Variants in UBFD1 observed in about 807,000 individuals in gnomAD.
UBFD1 encodes the protein ubiquitin family domain containing 1, also known as ubiquitin domain-containing protein UBFD1.
UBFD1 carries 12 observed loss-of-function variants against 35.1 expected under a neutral mutation model. The observed-to-expected ratio is 0.34, with a 90% CI of 0.22 to 0.55. The LOEUF (loss-of-function observed/expected upper bound fraction) is 0.55. Ranked by LOEUF, UBFD1 falls within the 20% of genes least tolerant of loss-of-function variation. The pLI, the probability that UBFD1 is intolerant of heterozygous loss-of-function variation, is 0.89. For missense variants in UBFD1, 337 were observed against 410.8 expected, an observed-to-expected ratio of 0.82 and a Z score of 1.55; for synonymous variants, 178 against 167.6, an observed-to-expected ratio of 1.06 and a Z score of -0.48.
intron 1 of UBFD1, 55 bp downstream of exon 1, chr16:23,557,822 C>G: frequency 1.1e-5 from 14 of 1,281,282 alleles, no homozygotes; most frequent in Non-Finnish European, 1.4e-5. Context: ...GCGGTCGCTC[C>G]TCTGGGGGAT....
rs371746227 is a variant in UBFD1 at position 23,562,775 on chromosome 16, G to A, written c.736+45G>A. The A allele has an allele frequency of 2.0e-6, 3 of 1,498,094 alleles. No homozygotes were observed. The African/African-American group carries it at 4.1e-5, about 21-fold the overall frequency. The allele number at this position is 1,498,094 out of a possible 1,614,324, so 92.8% of individuals were successfully genotyped here. On this transcript the variant is annotated intron_variant, in intron 5 of 6. Coordinates refer to ENST00000395878, the MANE Select transcript of UBFD1 (RefSeq NM_019116.3). ...CTTGCTGGCCCACTGCCTGCCTCTG[G>A]CACCCAGCAGCACTCACATTTTAGA...
chr16:23,560,110 C>G (rs1323852392), intron 3 of UBFD1, among the ~76,000 whole-genome samples: 1 of 152,110 alleles, frequency 6.6e-6, no homozygotes, highest in East Asian at 1.9e-4. Context: ...CGGAGGTTCC[C>G]CTAAAGCTGA....
At chr16:23,563,969 T>G (rs929414515) in intron 5 of UBFD1, 1 of 152,284 alleles carries the variant, frequency 6.6e-6, no homozygotes, top group Admixed American at 6.5e-5. Context: ...CTGCCGCTTC[T>G]GTTCATAGAG....
rs1597040064 is a variant in UBFD1 at position 23,562,669 on chromosome 16, T to C, written c.675T>C (p.Ser225=). Residue 225 remains serine (S), a synonymous_variant, in exon 5 of 7, where the codon TCT becomes TCC. Transcript: ENST00000395878. ...CGCTGTCCGGCATGTACAATAAATC[T>C]GGAGGAAAAGTGAGACTCACCTTTA... The part of the protein sequence containing the change: ...TVPLSGMYNK[S]GGKVRLTFKL... 1 of 1,614,214 alleles carries C rather than the reference T, an allele frequency of 6.2e-7. No homozygotes were observed. The highest frequency in any genetic ancestry group is 2.2e-5 in the East Asian group (1 of 44,876).
At chr16:23,557,870 C>G in intron 1 of UBFD1, 80 bp from the exon 2 acceptor site, 1 of 1,269,522 alleles carries the variant, frequency 7.9e-7, no homozygotes, top group African/African-American at 1.6e-5. Flanking sequence ...GGCTCGGGAA[C>G]GGAGGTCCGG....
In UBFD1 at chr16:23,571,975, CAT is replaced by C. The variant is rs2142223558; in HGVS notation, c.*1387_*1388del. ...TCTCCTCTCACTGGTTGCAGGCTTT[CAT>C]AGTAAGGTTTGGCGAGAAATGTTCC... On this transcript the variant is annotated 3_prime_UTR_variant, in exon 7 of 7. Coordinates refer to ENST00000395878, the MANE Select transcript of UBFD1 (RefSeq NM_019116.3). 1 of 152,758 alleles carries C rather than the reference CAT, an allele frequency of 6.5e-6. No individual in the cohort carries two copies. Among genetic ancestry groups the C allele is most frequent in the South Asian group, 2.1e-4 (1 of 4,824 alleles). The allele number at this position is 152,758 out of a possible 1,614,324, so 9.5% of individuals were successfully genotyped here. A position where few individuals can be genotyped will look rare whatever the true frequency, so the allele number is the denominator to read the frequency against.
At chr16:23,568,631 C>G (rs1252914043) in intron 6 of UBFD1, 5 of 151,170 alleles carry the variant, frequency 3.3e-5, no homozygotes, top group African/African-American at 7.3e-5. Flanking sequence ...CCAGCCTGAC[C>G]AACATGGTGA....
chr16:23,559,158 C>T (rs983696076), intron 2 of UBFD1: 1 of 229,254 alleles, frequency 4.4e-6, no homozygotes, highest in African/African-American at 2.3e-5. Context: ...ATTTAGATGA[C>T]TGAGGAACAA....
chr16:23,560,172 ATTTG>A (rs1189933627), intron 3 of UBFD1, among the ~76,000 whole-genome samples: 1 of 151,962 alleles, frequency 6.6e-6, no homozygotes, highest in Non-Finnish European at 1.5e-5. Context: ...ACACTGATGG[ATTTG>A]TTTATTTATT....
chr16:23,563,532 C>A (rs1044083153), intron 5 of UBFD1, among the ~76,000 whole-genome samples: 2 of 152,222 alleles, frequency 1.3e-5, no homozygotes, highest in Non-Finnish European at 2.9e-5. Flanking sequence ...TCCCAAGCAT[C>A]TTTAAACTTG....
At chr16:23,569,686 T>G (rs1310221092) in intron 6 of UBFD1, 1 of 151,822 alleles carries the variant, frequency 6.6e-6, no homozygotes, top group Non-Finnish European at 1.5e-5. Context: ...GAAATAAAGT[T>G]TATTCACAGC....
intron 2 of UBFD1, chr16:23,559,138 T>TA (rs1251786748): frequency 4.7e-6 from 1 of 212,466 alleles, no homozygotes; most frequent in Non-Finnish European, 9.5e-6. Context: ...TCTCACTTAA[T>TA]ATGTGAATGA....
chr16:23,559,787 A>G (rs1191707328), intron 3 of UBFD1, 111 bp downstream of exon 3: 2 of 1,553,122 alleles, frequency 1.3e-6, no homozygotes, highest in Non-Finnish European at 1.7e-6. Flanking sequence ...AGGGCCCATG[A>G]TGGAAATTTA....
rs1358636737 is a variant in UBFD1 at position 23,572,162 on chromosome 16, A to T, written c.*1572A>T. The T allele has an allele frequency of 6.6e-6, 1 of 152,450 alleles. No homozygotes were observed. Among genetic ancestry groups the T allele is most frequent in the Non-Finnish European group, 1.5e-5 (1 of 68,024 alleles). The allele number at this position is 152,450 out of a possible 1,614,324, so 9.4% of individuals were successfully genotyped here. On this transcript the variant is annotated 3_prime_UTR_variant, in exon 7 of 7. Coordinates refer to ENST00000395878, the MANE Select transcript of UBFD1 (RefSeq NM_019116.3). Reference sequence around the variant, plus strand: ...TCAGGAATCCAGCCCACATAGACAGACTCTTGCTTTCCATGGTGTAGTCAA... The same window carrying T: ...TCAGGAATCCAGCCCACATAGACAGTCTCTTGCTTTCCATGGTGTAGTCAA...
intron 3 of UBFD1, among the ~76,000 whole-genome samples, chr16:23,561,233 C>G (rs1225324601): frequency 6.6e-6 from 1 of 152,208 alleles, no homozygotes; most frequent in African/African-American, 2.4e-5. Context: ...TTTTTGCTAG[C>G]AGTCTGGCAG....
In UBFD1 at chr16:23,557,782, G is replaced by GGTGGCGGGCGCCGGGC; in HGVS notation, c.25+16_25+31dup. The GGTGGCGGGCGCCGGGC allele has an allele frequency of 7.8e-7, 1 of 1,281,270 alleles. No individual in the cohort carries two copies. Among genetic ancestry groups the GGTGGCGGGCGCCGGGC allele is most frequent in the Non-Finnish European group, 9.9e-7 (1 of 1,013,860 alleles). The allele number at this position is 1,281,270 out of a possible 1,614,324, so 79.4% of individuals were successfully genotyped here. A position where few individuals can be genotyped will look rare whatever the true frequency, so the allele number is the denominator to read the frequency against. Reference sequence around the variant, plus strand: ...GGCCCCGGATGGTGAGTGCGGCGGGGGTGGCGGGCGCCGGGCCGGGGCTGA... The same window carrying GGTGGCGGGCGCCGGGC: ...GGCCCCGGATGGTGAGTGCGGCGGGGGTGGCGGGCGCCGGGCGTGGCGGGCGCCGGGCCGGGGCTGA... On this transcript the variant is annotated intron_variant, in intron 1 of 6. Coordinates refer to ENST00000395878, the MANE Select transcript of UBFD1 (RefSeq NM_019116.3).
chr16:23,569,544 G>C (rs1966055947), intron 6 of UBFD1: 1 of 152,108 alleles, frequency 6.6e-6, no homozygotes, highest in African/African-American at 2.4e-5. Context: ...AACAGAGAGA[G>C]ACTCCAGCTC....
At chr16:23,562,603 T>TA in intron 4 of UBFD1, 22 bp from the exon 5 acceptor site, 1 of 1,610,088 alleles carries the variant, frequency 6.2e-7, no homozygotes, top group Non-Finnish European at 8.5e-7. Flanking sequence ...CTCCATCTCT[T>TA]ACCATTCTCT....
chr16:23,568,853 AAAAC>A (rs1966047009), intron 6 of UBFD1: 1 of 152,128 alleles, frequency 6.6e-6, no homozygotes, highest in South Asian at 2.1e-4. Flanking sequence ...AAAACAAAAA[AAAAC>A]AGTTGGACTT....
Sources: gnomAD v4.1 joint callset for allele counts (sites outside exome capture counted in the v4.1 genomes callset) on GRCh38, gnomAD v4.1.1 for gene constraint, MANE v1.5 for transcripts, NCBI Gene and HGNC (gene_info 2026-07-23, HGNC 2026-07-21) for gene names.